Variants in ZNF254 observed in about 807,000 individuals in gnomAD.
The protein encoded by ZNF254 is zinc finger protein 254.
Under a neutral mutation model 12.4 loss-of-function variants are expected in ZNF254, and 10 were observed. The ratio of observed to expected loss-of-function variants is 0.80; its 90% CI spans 0.50 to 1.36. The LOEUF (loss-of-function observed/expected upper bound fraction) is 1.36, where lower values mean the gene tolerates loss of function less well. ZNF254 is among the 40% of genes most tolerant of loss of function. The probability of loss-of-function intolerance (pLI) is 0.00; values close to 1 mark genes in which losing one functional copy is unlikely to be tolerated. For missense variants in ZNF254, 996 were observed against 763.9 expected, an observed-to-expected ratio of 1.30 and a Z score of -3.58; for synonymous variants, 305 against 253.4, an observed-to-expected ratio of 1.20 and a Z score of -1.93.
intron 2 of ZNF254, among the ~76,000 whole-genome samples, chr19:24,073,705 G>A (rs893247122): frequency 3.3e-5 from 5 of 152,106 alleles, no homozygotes; most frequent in African/African-American, 1.2e-4. Context: ...TCAACATACC[G>A]CTGAGGCTGT....
chr19:24,099,057 C>G (rs1457965478), intron 1 of ZNF254: 2 of 129,678 alleles, frequency 1.5e-5, no homozygotes, highest in Admixed American at 9.0e-5. Flanking sequence ...AGTGCAGTGA[C>G]ACGATCTCAG....
chr19:24,113,188 A>G (rs563055692), intron 3 of ZNF254, among the ~76,000 whole-genome samples: 35 of 152,358 alleles, frequency 2.3e-4, no homozygotes, highest in Admixed American at 2.2e-3. Context: ...TTATGAGGCC[A>G]GCATCATCCT....
chr19:24,122,645 A>G (rs1356214014), intron 3 of ZNF254, among the ~76,000 whole-genome samples: 1 of 149,950 alleles, frequency 6.7e-6, no homozygotes, highest in African/African-American at 2.5e-5. Flanking sequence ...TTCATTTTAC[A>G]TAATGCCATC....
chr19:24,105,802 A>G lies in ZNF254; in HGVS notation c.31-138A>G, dbSNP rs547997460. On this transcript the variant is annotated intron_variant, in intron 1 of 3. Coordinates refer to ENST00000357002, the MANE Select transcript of ZNF254 (RefSeq NM_203282.4). ...TACATTAGAAAATGTTCATGTGTTGACAATTATTTTATTGGATAATTTCAA... is the reference window on the plus strand; with the variant it reads ...TACATTAGAAAATGTTCATGTGTTGGCAATTATTTTATTGGATAATTTCAA... 81 of 1,364,648 alleles carry G rather than the reference A, an allele frequency of 5.9e-5. No homozygotes were observed. In the African/African-American group the frequency reaches 9.3e-4, roughly 16 times the overall value. The allele number at this position is 1,364,648 out of a possible 1,614,324, so 84.5% of individuals were successfully genotyped here.
chr19:24,089,380 A>C (rs552025236), intron 1 of ZNF254, among the ~76,000 whole-genome samples: 1 of 152,206 alleles, frequency 6.6e-6, no homozygotes, highest in African/African-American at 2.4e-5. Context: ...ATCTCCTGAC[A>C]CTGTATTGTA....
chr19:24,087,104 A>G, upstream of ZNF254: 1 of 565,636 alleles, frequency 1.8e-6, no homozygotes, highest in Non-Finnish European at 3.2e-6. Flanking sequence ...CTTAAACGTT[A>G]TCCAACTAGG....
At chr19:24,125,894 T>C (rs1189482528) in intron 3 of ZNF254, among the ~76,000 whole-genome samples, 1 of 152,232 alleles carries the variant, frequency 6.6e-6, no homozygotes, top group African/African-American at 2.4e-5. Context: ...ATTTTACCTT[T>C]CTTTTAAAAC....
intron 3 of ZNF254, among the ~76,000 whole-genome samples, chr19:24,109,773 A>G (rs1044515849): frequency 1.4e-5 from 2 of 145,972 alleles, no homozygotes; most frequent in African/African-American, 2.5e-5. Context: ...TCTGGAGTAC[A>G]GTGCATGTGA....
At chr19:24,076,303 T>A (rs559707242) in intron 2 of ZNF254, among the ~76,000 whole-genome samples, 23 of 152,352 alleles carry the variant, frequency 1.5e-4, no homozygotes, top group Non-Finnish European at 2.4e-4. Context: ...GGGGAACTAA[T>A]AAATGTCCAT....
intron 3 of ZNF254, chr19:24,107,148 G>T: frequency 1.7e-6 from 1 of 580,288 alleles, no homozygotes; most frequent in Non-Finnish European, 3.0e-6. Flanking sequence ...ATGTCCTTCT[G>T]CTTTGTTCTT....
intron 3 of ZNF254, among the ~76,000 whole-genome samples, chr19:24,113,303 T>C (rs1445637979): frequency 2.6e-5 from 4 of 152,196 alleles, no homozygotes; most frequent in African/African-American, 7.2e-5. Flanking sequence ...GCAAACTGAA[T>C]CCAGCAGCAC....
chr19:24,087,461 C>G, intron 1 of ZNF254, 124 bp downstream of exon 1: 1 of 1,211,990 alleles, frequency 8.3e-7, no homozygotes, highest in Non-Finnish European at 1.2e-6. Flanking sequence ...AGCTCGACCT[C>G]AGTCCCCTTC....
chr19:24,055,072 G>A (rs1387566329), intron 2 of ZNF254, among the ~76,000 whole-genome samples: 1 of 151,166 alleles, frequency 6.6e-6, no homozygotes, highest in African/African-American at 2.4e-5. Flanking sequence ...GCATGGTGGT[G>A]GGCACCTGTA....
At chr19:24,074,397 G>A (rs1267698024) in intron 2 of ZNF254, among the ~76,000 whole-genome samples, 4 of 152,202 alleles carry the variant, frequency 2.6e-5, no homozygotes, top group Non-Finnish European at 5.9e-5. Context: ...CCTGCCCATA[G>A]CAAGCACAGT....
chr19:24,033,881 C>T (rs915963429), intron 1 of ZNF254, among the ~76,000 whole-genome samples: 1 of 152,230 alleles, frequency 6.6e-6, no homozygotes, highest in Non-Finnish European at 1.5e-5. Context: ...TTCAGGGATG[C>T]CAGGCGGATC....
chr19:24,078,110 C>T (rs1319752764), intron 2 of ZNF254, among the ~76,000 whole-genome samples: 1 of 152,186 alleles, frequency 6.6e-6, no homozygotes, highest in Non-Finnish European at 1.5e-5. Flanking sequence ...ATGATCTTGG[C>T]ATGCTGCAAC....
intron 1 of ZNF254, among the ~76,000 whole-genome samples, chr19:24,034,055 T>G (rs1969865029): frequency 6.6e-6 from 1 of 151,978 alleles, no homozygotes; most frequent in Non-Finnish European, 1.5e-5. Flanking sequence ...CCTCCTAGAC[T>G]CAAGCGATTC....
intron 2 of ZNF254, among the ~76,000 whole-genome samples, chr19:24,077,858 T>C (rs1971713393): frequency 6.6e-6 from 1 of 152,118 alleles, no homozygotes; most frequent in Admixed American, 6.6e-5. Context: ...CTGGCATTAT[T>C]CTTGTGGATT....
rs372513236 is a variant in ZNF254 at position 24,127,007 on chromosome 19, C to G, written c.1007C>G (p.Thr336Arg). Reference sequence around the variant, plus strand: ...GGCAAAGCATTTATATGGTCCTCAACACTAACTAGACATAAGAGGATGCAC... The same window carrying G: ...GGCAAAGCATTTATATGGTCCTCAAGACTAACTAGACATAAGAGGATGCAC... The part of the protein sequence containing the change: ...ECGKAFIWSS[T>R]LTRHKRMHTG... Residue 336 changes from threonine (T) to arginine (R), a missense_variant, in exon 4 of 4, where the codon ACA becomes AGA. Thr to Arg is a moderately conservative substitution (Grantham distance 71). Coordinates refer to ENST00000357002, the MANE Select transcript of ZNF254 (RefSeq NM_203282.4). The G allele has an allele frequency of 2.5e-6, 4 of 1,613,472 alleles. No individual in the cohort carries two copies. The African/African-American group carries it at 5.3e-5, about 22-fold the overall frequency.
Sources: allele counts gnomAD v4.1 joint callset (sites outside exome capture counted in the v4.1 genomes callset), GRCh38; gene constraint gnomAD v4.1.1; transcripts MANE v1.5; gene names NCBI Gene and HGNC (gene_info 2026-07-23, HGNC 2026-07-21).